The following PCCA variants were observed in gnomAD, a reference collection of about 807,000 sequenced individuals.
PCCA encodes the protein propionyl-CoA carboxylase alpha chain, mitochondrial.
Under a neutral mutation model 101.3 loss-of-function variants are expected in PCCA, and 74 were observed. That is an observed-to-expected ratio of 0.73 (90% CI 0.61 to 0.89). The LOEUF (loss-of-function observed/expected upper bound fraction) is 0.89, where lower values mean the gene tolerates loss of function less well. Ranked by LOEUF, PCCA falls within the 40% of genes least tolerant of loss-of-function variation. The pLI is 0.00. For synonymous variants in PCCA, 294 were observed against 313.6 expected, an observed-to-expected ratio of 0.94 and a Z score of 0.66; for missense variants, 891 against 907.0, an observed-to-expected ratio of 0.98 and a Z score of 0.23.
At chr13:100,465,425 T>C (rs2082440171) in intron 21 of PCCA, among the ~76,000 whole-genome samples, 1 of 152,214 alleles carries the variant, frequency 6.6e-6, no homozygotes, top group Non-Finnish European at 1.5e-5. Context: ...TTTTTTAAAA[T>C]CAGGGAGTGA....
At chr13:100,462,139 G>A (rs1033685698) in intron 21 of PCCA, among the ~76,000 whole-genome samples, 2 of 152,052 alleles carry the variant, frequency 1.3e-5, no homozygotes, top group African/African-American at 4.8e-5. Flanking sequence ...GCAAAATATG[G>A]GTAGAATAAG....
At chr13:100,528,989 C>A (rs1330466371) in intron 23 of PCCA, among the ~76,000 whole-genome samples, 1 of 152,126 alleles carries the variant, frequency 6.6e-6, no homozygotes, top group Admixed American at 6.5e-5. Context: ...CTCATCAGTT[C>A]CCTGAAGGGG....
chr13:100,286,781 C>G (rs531268372), intron 12 of PCCA, among the ~76,000 whole-genome samples: 23 of 148,942 alleles, frequency 1.5e-4, no homozygotes, highest in Admixed American at 1.1e-3. Flanking sequence ...GCAGGATTAA[C>G]AAATACTCGT....
chr13:100,515,358 A>T, intron 21 of PCCA, 69 bp from the exon 22 acceptor site: 1 of 1,417,060 alleles, frequency 7.1e-7, no homozygotes, highest in Non-Finnish European at 9.9e-7. Context: ...ATTGATTTAG[A>T]ATGAATGCTA....
chr13:100,486,689 G>C (rs1003782463), intron 21 of PCCA, among the ~76,000 whole-genome samples: 1 of 152,216 alleles, frequency 6.6e-6, no homozygotes, highest in African/African-American at 2.4e-5. Context: ...AAGGCAGGAT[G>C]ATCACTTGAG....
At chr13:100,243,361 A>G (rs2061260303) in intron 8 of PCCA, among the ~76,000 whole-genome samples, 1 of 152,210 alleles carries the variant, frequency 6.6e-6, no homozygotes, top group African/African-American at 2.4e-5. Context: ...CACATATTTA[A>G]AGTTCTTTTG....
chr13:100,473,137 T>C (rs1350407710), intron 21 of PCCA: 1 of 152,236 alleles, frequency 6.6e-6, no homozygotes, highest in Non-Finnish European at 1.5e-5. Flanking sequence ...GTTTGGTTTA[T>C]GTGGTAATCA....
At chr13:100,215,048 T>C (rs879468565) in intron 7 of PCCA, among the ~76,000 whole-genome samples, 1 of 152,234 alleles carries the variant, frequency 6.6e-6, no homozygotes, top group Non-Finnish European at 1.5e-5. Context: ...CCGCCATACT[T>C]GACATCGTTC....
At chr13:100,241,598 G>T (rs2061141779) in intron 8 of PCCA, among the ~76,000 whole-genome samples, 2 of 152,056 alleles carry the variant, frequency 1.3e-5, no homozygotes, top group African/African-American at 2.4e-5. Flanking sequence ...ACCCTCCTGA[G>T]TAGCTAGGAC....
At chr13:100,481,427 A>G (rs2083920499) in intron 21 of PCCA, among the ~76,000 whole-genome samples, 1 of 152,178 alleles carries the variant, frequency 6.6e-6, no homozygotes, top group African/African-American at 2.4e-5. Context: ...TCACGGTGGC[A>G]CATACCTGTA....
At chr13:100,244,093 A>T (rs891302771) in intron 8 of PCCA, among the ~76,000 whole-genome samples, 3 of 152,182 alleles carry the variant, frequency 2.0e-5, no homozygotes, top group African/African-American at 4.8e-5. Context: ...ACAATCTTAC[A>T]TCTTGTTAAT....
rs532996861 is a variant in PCCA at position 100,199,038 on chromosome 13, T to C, written c.469-10294T>C. The stretch of plus-strand genomic sequence containing the variant: ...CTAGTCCGTGTGTTGATTTCACTCC[T>C]ATAAGTTGGTGGCTACTCTGAAATA... On this transcript the variant is annotated intron_variant, in intron 6 of 23. Coordinates refer to ENST00000376285, the MANE Select transcript of PCCA (RefSeq NM_000282.4). Among the ~76,000 whole-genome samples, 6 of 152,212 alleles carry C rather than the reference T, an allele frequency of 3.9e-5. No homozygotes were observed. In the South Asian group the frequency reaches 1.2e-3, roughly 32 times the overall value.
intron 20 of PCCA, 128 bp downstream of exon 20, chr13:100,425,859 T>A: frequency 1.4e-6 from 1 of 690,130 alleles, no homozygotes; most frequent in Non-Finnish European, 2.6e-6. Flanking sequence ...CTTTTTACAG[T>A]CGAAAACTTT....
intron 19 of PCCA, among the ~76,000 whole-genome samples, chr13:100,370,840 T>A (rs1161402633): frequency 6.6e-6 from 1 of 152,118 alleles, no homozygotes; most frequent in Admixed American, 6.5e-5. Context: ...TTAACTTAGT[T>A]TCCCAGATCA....
At chr13:100,416,581 A>T (rs1255321007) in intron 19 of PCCA, among the ~76,000 whole-genome samples, 2 of 147,228 alleles carry the variant, frequency 1.4e-5, no homozygotes, top group Non-Finnish European at 3.0e-5. Context: ...TGCCCAGGGT[A>T]GAGTGCAATG....
intron 9 of PCCA, among the ~76,000 whole-genome samples, chr13:100,260,379 TTG>T (rs138371283): frequency 7.4e-6 from 1 of 135,506 alleles, no homozygotes; most frequent in African/African-American, 2.7e-5. Context: ...AGCAAATTAG[TTG>T]TGTGTGTGTG....
At chr13:100,520,604 C>T (rs9557449) in intron 22 of PCCA, among the ~76,000 whole-genome samples, 40,613 of 133,560 alleles carry the variant, frequency 0.3, 5,660 homozygotes, top group Middle Eastern at 0.4. Flanking sequence ...CACAGCACTC[C>T]AGCCTGGGCG....
At chr13:100,208,828 G>T (rs1313184560) in intron 6 of PCCA, among the ~76,000 whole-genome samples, 2 of 152,148 alleles carry the variant, frequency 1.3e-5, no homozygotes, top group Non-Finnish European at 2.9e-5. Flanking sequence ...TCTCTGAGGT[G>T]TCAGTGATCT....
chr13:100,492,145 T>G (rs1370591132), intron 21 of PCCA, among the ~76,000 whole-genome samples: 1 of 152,122 alleles, frequency 6.6e-6, no homozygotes, highest in Non-Finnish European at 1.5e-5. Flanking sequence ...CTCTCTCTTT[T>G]TTTTTTTGGG....
Sources: allele counts gnomAD v4.1 joint callset (sites outside exome capture counted in the v4.1 genomes callset), GRCh38; gene constraint gnomAD v4.1.1; transcripts MANE v1.5; gene names NCBI Gene and HGNC (gene_info 2026-07-23, HGNC 2026-07-21).